PTPRN2: variants seen among roughly 807,000 people sequenced by gnomAD.
PTPRN2 encodes the protein receptor-type tyrosine-protein phosphatase N2.
In PTPRN2, 74 loss-of-function variants were observed where a neutral mutation model predicts 118.8. The ratio of observed to expected loss-of-function variants is 0.62; its 90% confidence interval spans 0.52 to 0.76. The LOEUF is 0.76. Ranked by LOEUF, PTPRN2 falls within the 30% of genes least tolerant of loss-of-function variation. The pLI is 0.00. For synonymous variants in PTPRN2, 641 were observed against 608.0 expected (o/e 1.05, Z -0.80); for missense variants, 1,481 against 1,394.4 (o/e 1.06, Z -0.99).
At chr7:158,439,512 A>C (rs1816825855) in intron 2 of PTPRN2, among the ~76,000 whole-genome samples, 1 of 152,188 alleles carries the variant, frequency 6.6e-6, no homozygotes, top group African/African-American at 2.4e-5. Context: ...GAAGAGAAGA[A>C]GAAGAGGAGA....
intron 2 of PTPRN2, among the ~76,000 whole-genome samples, chr7:158,381,079 T>C (rs1196962770): frequency 6.6e-6 from 1 of 152,226 alleles, no homozygotes; most frequent in Non-Finnish European, 1.5e-5. Flanking sequence ...CCTCAGGGCC[T>C]GTGATGGGAG....
intron 11 of PTPRN2, among the ~76,000 whole-genome samples, chr7:158,021,198 T>C (rs1806848191): frequency 6.6e-6 from 1 of 152,230 alleles, no homozygotes; most frequent in African/African-American, 2.4e-5. Flanking sequence ...TGACATCCTC[T>C]GGTTTCTAAG....
intron 22 of PTPRN2, 43 bp from the exon 23 acceptor site, chr7:157,540,828 C>T: frequency 2.7e-6 from 4 of 1,466,002 alleles, no homozygotes; most frequent in Non-Finnish European, 3.7e-6. Context: ...AGAGCGGCGT[C>T]CCCCCGACTC....
chr7:158,256,995 A>T (rs777475125), intron 3 of PTPRN2, among the ~76,000 whole-genome samples: 15 of 152,076 alleles, frequency 9.9e-5, no homozygotes, highest in South Asian at 8.3e-4. Flanking sequence ...ATCCCCTGTA[A>T]ATTCCGGACC....
chr7:158,379,097 C>T (rs550776406), intron 2 of PTPRN2, among the ~76,000 whole-genome samples: 5 of 152,072 alleles, frequency 3.3e-5, no homozygotes, highest in African/African-American at 1.2e-4. Context: ...CCTGCCAGGC[C>T]TGGCCCTGTG....
In PTPRN2 at chr7:158,097,715, C is replaced by T. The variant is rs149923583; in HGVS notation, c.1643+13114G>A. On this transcript the variant is annotated intron_variant, in intron 10 of 22. Coordinates refer to ENST00000389418, the MANE Select transcript of PTPRN2 (RefSeq NM_002847.5). Reference sequence around the variant, plus strand: ...CAATCACGTCGTAAAAACCCGGCTGCGGTCACTGCCGGTCTGCTGGCATAA... The same window carrying T: ...CAATCACGTCGTAAAAACCCGGCTGTGGTCACTGCCGGTCTGCTGGCATAA... Among the ~76,000 whole-genome samples, 9 of 152,230 alleles carry T rather than the reference C, an allele frequency of 5.9e-5. 1 individual carries two copies. Among genetic ancestry groups the T allele is most frequent in the Admixed American group, 2.6e-4 (4 of 15,284 alleles).
chr7:158,479,837 GGGCGCAAGCCAGCTCTGC>G lies in PTPRN2; in HGVS notation c.163+9880_163+9897del, dbSNP rs1435716397. 6.6e-5 allele frequency among the ~76,000 whole-genome samples: 10 copies of G among 152,244 alleles called. No individual in the cohort carries two copies. In the South Asian group the frequency reaches 2.1e-3, roughly 32 times the overall value. Reference sequence around the variant, plus strand: ...AGCTCACAGGGTACTACGGGGTGGCGGGCGCAAGCCAGCTCTGCGGCGCAGTGGGCGTCATCCTCGCTG... The same window carrying G: ...AGCTCACAGGGTACTACGGGGTGGCGGGCGCAGTGGGCGTCATCCTCGCTG... On this transcript the variant is annotated intron_variant, in intron 2 of 22. Transcript: ENST00000389418.
chr7:158,103,637 G>A (rs1337562657), intron 10 of PTPRN2, among the ~76,000 whole-genome samples: 1 of 152,194 alleles, frequency 6.6e-6, no homozygotes, highest in African/African-American at 2.4e-5. Flanking sequence ...TTTGTCTCAT[G>A]AGCCAGGTTT....
At chr7:158,085,065 C>CGCCCATCCACACAGAT (rs1365102702) in intron 10 of PTPRN2, among the ~76,000 whole-genome samples, 3 of 135,012 alleles carry the variant, frequency 2.2e-5, no homozygotes, top group African/African-American at 8.7e-5. Flanking sequence ...ACACCCATGA[C>CGCCCATCCACACAGAT]GCCCATCCAC....
intron 22 of PTPRN2, 43 bp from the exon 23 acceptor site, chr7:157,540,828 C>A (rs1441022890): frequency 2.7e-6 from 4 of 1,465,884 alleles, no homozygotes; most frequent in Non-Finnish European, 3.7e-6. Flanking sequence ...AGAGCGGCGT[C>A]CCCCCGACTC....
chr7:158,411,652 G>C (rs1231092271), intron 2 of PTPRN2, among the ~76,000 whole-genome samples: 1 of 152,224 alleles, frequency 6.6e-6, no homozygotes. Flanking sequence ...ACTTCAAGTT[G>C]GGAAACCTGG....
Position 157,659,614 on chromosome 7 carries a change from T to C in PTPRN2, c.2002-3063A>G, listed in dbSNP as rs553788435. Among the ~76,000 whole-genome samples, 5 of 152,076 alleles carry C rather than the reference T, an allele frequency of 3.3e-5. No homozygotes were observed. The South Asian group carries it at 1.0e-3, about 32-fold the overall frequency. ...TCTTTCCCATACATCTTCAGGTACT[T>C]GTTAGTTTATAGACAGTTTTAAAAT... On this transcript the variant is annotated intron_variant, in intron 13 of 22. Transcript: ENST00000389418.
chr7:158,071,301 G>GTGA (rs1811498488), intron 11 of PTPRN2, among the ~76,000 whole-genome samples: 1 of 118,618 alleles, frequency 8.4e-6, no homozygotes. Context: ...GGTGCTCGTG[G>GTGA]TGGAGGTGCC....
rs1165624530 is a variant in PTPRN2 at position 158,488,538 on chromosome 7, C to A, written c.163+1197G>T. On this transcript the variant is annotated intron_variant, in intron 2 of 22. Coordinates refer to ENST00000389418, the MANE Select transcript of PTPRN2 (RefSeq NM_002847.5). ...AGGGCTGGTCCCACCTCAGGGCGCA[C>A]GAGCTCCTCGGTTTCGCTTCTCAGA... Among the ~76,000 whole-genome samples, 3 of 152,208 alleles carry A rather than the reference C, an allele frequency of 2.0e-5. No individual in the cohort carries two copies. In the East Asian group the frequency reaches 5.8e-4, roughly 29 times the overall value.
At chr7:157,742,848 A>G (rs1366859888) in intron 12 of PTPRN2, among the ~76,000 whole-genome samples, 2 of 152,216 alleles carry the variant, frequency 1.3e-5, no homozygotes, top group African/African-American at 4.8e-5. Context: ...TCTTCCTAAT[A>G]CCTTTTGCTT....
chr7:158,077,122 C>T (rs117005630), intron 11 of PTPRN2, among the ~76,000 whole-genome samples: 20 of 152,342 alleles, frequency 1.3e-4, no homozygotes, highest in Non-Finnish European at 2.6e-4. Flanking sequence ...CTGTGACTAA[C>T]GCAGAACGCT....
Position 157,918,858 on chromosome 7 carries a change from C to T in PTPRN2, c.1724-20121G>A, listed in dbSNP as rs376206590. ...CTCGCAGCCTGAGGGACGGAAGGGCCTGACGGCGGCCATCCTCCACCAGCC... is the reference window on the plus strand; with the variant it reads ...CTCGCAGCCTGAGGGACGGAAGGGCTTGACGGCGGCCATCCTCCACCAGCC... On this transcript the variant is annotated intron_variant, in intron 11 of 22. Transcript: ENST00000389418. Among the ~76,000 whole-genome samples the T allele has an allele frequency of 3.7e-4, 56 of 152,328 alleles. No individual in the cohort carries two copies. The East Asian group carries it at 9.7e-3, about 26-fold the overall frequency.
intron 1 of PTPRN2, among the ~76,000 whole-genome samples, chr7:158,522,104 A>G (rs1415929866): frequency 1.3e-5 from 1 of 76,006 alleles, no homozygotes; most frequent in African/African-American, 6.3e-5. Flanking sequence ...AGGGAGGTCC[A>G]CGTCACAATG....
chr7:158,262,701 G>GCA, intron 3 of PTPRN2, among the ~76,000 whole-genome samples: 1 of 137,256 alleles, frequency 7.3e-6, no homozygotes, highest in East Asian at 2.3e-4. Context: ...CACACACACT[G>GCA]CACAGATTCA....
Sources: gnomAD v4.1 joint callset for allele counts (sites outside exome capture counted in the v4.1 genomes callset) on GRCh38, gnomAD v4.1.1 for gene constraint, MANE v1.5 for transcripts, NCBI Gene and HGNC (gene_info 2026-07-23, HGNC 2026-07-21) for gene names.